The following CCSER1 variants were observed in gnomAD, a reference collection of about 807,000 sequenced individuals.
The protein encoded by CCSER1 is coiled-coil serine rich protein 1.
Under a neutral mutation model 82.0 loss-of-function variants are expected in CCSER1, and 41 were observed. The ratio of observed to expected loss-of-function variants is 0.50; its 90% CI spans 0.39 to 0.65. The LOEUF (loss-of-function observed/expected upper bound fraction) is 0.65, where lower values mean the gene tolerates loss of function less well. Among genes scored for constraint, CCSER1 ranks in the 30% least tolerant of loss-of-function variants. The probability of loss-of-function intolerance (pLI) is 0.00; values close to 1 mark genes in which losing one functional copy is unlikely to be tolerated. For synonymous variants in CCSER1, 414 were observed against 383.9 expected (o/e 1.08, Z -0.92); for missense variants, 1,119 against 1,064.2 (o/e 1.05, Z -0.72).
At chr4:91,339,322 A>T (rs1259649163) in intron 10 of CCSER1, among the ~76,000 whole-genome samples, 1 of 152,188 alleles carries the variant, frequency 6.6e-6, no homozygotes, top group Non-Finnish European at 1.5e-5. Flanking sequence ...TAATGAATAC[A>T]TTAATAAAGT....
intron 9 of CCSER1, among the ~76,000 whole-genome samples, chr4:91,063,398 A>G (rs1300519125): frequency 6.6e-6 from 1 of 152,198 alleles, no homozygotes; most frequent in Non-Finnish European, 1.5e-5. Flanking sequence ...AGATTATTGC[A>G]ATTACTATTG....
intron 10 of CCSER1, among the ~76,000 whole-genome samples, chr4:91,370,888 T>A (rs1388801497): frequency 6.6e-6 from 1 of 152,054 alleles, no homozygotes; most frequent in Admixed American, 6.6e-5. Flanking sequence ...TTATTTTTAT[T>A]TTTTACTCTG....
intron 7 of CCSER1, among the ~76,000 whole-genome samples, chr4:90,743,259 C>A (rs1225242564): frequency 6.6e-6 from 1 of 151,926 alleles, no homozygotes; most frequent in Non-Finnish European, 1.5e-5. Flanking sequence ...ATACATAGCA[C>A]AGAAATTAGA....
At chr4:90,820,214 A>G (rs988459170) in intron 8 of CCSER1, among the ~76,000 whole-genome samples, 2 of 152,186 alleles carry the variant, frequency 1.3e-5, no homozygotes, top group Non-Finnish European at 2.9e-5. Context: ...ATGTGACCAG[A>G]TTTAGGTATT....
intron 3 of CCSER1, among the ~76,000 whole-genome samples, chr4:90,360,389 G>T (rs904727612): frequency 3.6e-4 from 54 of 150,452 alleles, no homozygotes; most frequent in Non-Finnish European, 6.8e-4. Context: ...AATTAGCCGG[G>T]TGTGGTGGTG....
chr4:90,232,553 A>T (rs1299255298), intron 1 of CCSER1, among the ~76,000 whole-genome samples: 1 of 149,852 alleles, frequency 6.7e-6, no homozygotes, highest in Non-Finnish European at 1.5e-5. Flanking sequence ...CATTCAGGAC[A>T]TAGGCATGGG....
chr4:91,237,170 C>T (rs530241205), intron 10 of CCSER1, among the ~76,000 whole-genome samples: 1 of 151,830 alleles, frequency 6.6e-6, no homozygotes, highest in South Asian at 2.1e-4. Context: ...TATTATATGT[C>T]CATTCTTTCT....
chr4:91,271,525 G>A (rs1742021618), intron 10 of CCSER1, among the ~76,000 whole-genome samples: 1 of 152,082 alleles, frequency 6.6e-6, no homozygotes, highest in Admixed American at 6.5e-5. Context: ...AACATACAAT[G>A]TTTGGTTTTC....
At chr4:90,742,137 A>G (rs967784165) in intron 7 of CCSER1, among the ~76,000 whole-genome samples, 1 of 152,060 alleles carries the variant, frequency 6.6e-6, no homozygotes, top group African/African-American at 2.4e-5. Context: ...CACACTTCCG[A>G]GCAACCAGAT....
chr4:90,498,179 A>G, intron 5 of CCSER1, among the ~76,000 whole-genome samples: 1 of 152,184 alleles, frequency 6.6e-6, no homozygotes. Context: ...TACTTATGAT[A>G]AAATGTAATG....
At chr4:90,270,568 C>T (rs1472465300) in intron 1 of CCSER1, among the ~76,000 whole-genome samples, 1 of 152,062 alleles carries the variant, frequency 6.6e-6, no homozygotes, top group African/African-American at 2.4e-5. Context: ...GAAAGACTTT[C>T]CTCTAAGATC....
At chr4:90,944,053 G>C (rs1401593611) in intron 9 of CCSER1, among the ~76,000 whole-genome samples, 1 of 151,834 alleles carries the variant, frequency 6.6e-6, no homozygotes, top group East Asian at 2.0e-4. Context: ...GGGCAAAACG[G>C]TGAAACCCCG....
chr4:91,358,941 C>T (rs1026815076), intron 10 of CCSER1, among the ~76,000 whole-genome samples: 5 of 152,130 alleles, frequency 3.3e-5, no homozygotes, highest in Non-Finnish European at 7.3e-5. Flanking sequence ...GCTTCCCAGT[C>T]AGGGAACCAA....
At chr4:91,491,385 C>A (rs962558688) in intron 10 of CCSER1, among the ~76,000 whole-genome samples, 2 of 151,926 alleles carry the variant, frequency 1.3e-5, no homozygotes, top group African/African-American at 4.8e-5. Flanking sequence ...AAAATGAACA[C>A]AAAATACTTT....
At chr4:90,276,310 T>TTCCTTC (rs1560930387) in intron 1 of CCSER1, among the ~76,000 whole-genome samples, 44 of 98,776 alleles carry the variant, frequency 4.5e-4, no homozygotes, top group South Asian at 1.4e-3. Flanking sequence ...TTCCTTCCTT[T>TTCCTTC]CTTTCTTTTT....
At chr4:91,417,657 C>G (rs927371501) in intron 10 of CCSER1, among the ~76,000 whole-genome samples, 5 of 151,732 alleles carry the variant, frequency 3.3e-5, no homozygotes, top group African/African-American at 1.2e-4. Context: ...CACATAGATA[C>G]ATGTTTAGGA....
At chr4:90,975,315 T>C (rs1228518182) in intron 9 of CCSER1, among the ~76,000 whole-genome samples, 3 of 151,336 alleles carry the variant, frequency 2.0e-5, no homozygotes, top group African/African-American at 7.3e-5. Flanking sequence ...TCTGCAAATA[T>C]ACTAAGGAAA....
chr4:91,507,586 C>G (rs571931185), intron 10 of CCSER1, among the ~76,000 whole-genome samples: 1 of 151,376 alleles, frequency 6.6e-6, no homozygotes, highest in East Asian at 2.0e-4. Context: ...ACATCTTTTG[C>G]CCATCTTTTT....
At chr4:91,323,226 G>A (rs547631262) in intron 10 of CCSER1, among the ~76,000 whole-genome samples, 29 of 152,276 alleles carry the variant, frequency 1.9e-4, no homozygotes, top group South Asian at 8.3e-4. Flanking sequence ...TGCCTTTTCA[G>A]TGCAGATAAA....
Sources: allele counts gnomAD v4.1 joint callset (sites outside exome capture counted in the v4.1 genomes callset), GRCh38; gene constraint gnomAD v4.1.1; transcripts MANE v1.5; gene names NCBI Gene and HGNC (gene_info 2026-07-23, HGNC 2026-07-21).